Variants in FSTL5 observed in about 807,000 individuals in gnomAD.
FSTL5 encodes follistatin-related protein 5.
A neutral mutation model predicts 89.1 loss-of-function variants in FSTL5; 62 were observed. The ratio of observed to expected loss-of-function variants is 0.70; its 90% CI spans 0.57 to 0.86. FSTL5 has a LOEUF of 0.86. FSTL5 is among the 40% of genes least tolerant of loss of function. The pLI, the probability that FSTL5 is intolerant of heterozygous loss-of-function variation, is 0.00. For synonymous variants in FSTL5, 383 were observed against 346.2 expected, an observed-to-expected ratio of 1.11 and a Z score of -1.18; for missense variants, 1,057 against 1,001.6, an observed-to-expected ratio of 1.06 and a Z score of -0.75.
intron 3 of FSTL5, among the ~76,000 whole-genome samples, chr4:161,992,888 ATATATATATGTGTGTG>A (rs1736163685): frequency 5.4e-5 from 1 of 18,582 alleles, no homozygotes; most frequent in South Asian, 2.0e-3. Flanking sequence ...ATATATATAT[ATATATATATGTGTGTG>A]TATATATATA....
chr4:161,633,057 C>T (rs978691454), intron 7 of FSTL5, among the ~76,000 whole-genome samples: 5 of 151,718 alleles, frequency 3.3e-5, no homozygotes, highest in Non-Finnish European at 7.4e-5. Context: ...GTTTCTTTTG[C>T]TAACATCCTG....
At position 161,784,895 on chromosome 4, in the gene FSTL5, A is replaced by AAAAAAAAAAAAAAAAAAAAAC. The variant is rs1553965825; in HGVS notation, c.410-8822_410-8821insGTTTTTTTTTTTTTTTTTTTT. On this transcript the variant is annotated intron_variant, in intron 4 of 15. Coordinates refer to ENST00000306100, the MANE Select transcript of FSTL5 (RefSeq NM_020116.5). ...GCGACAGAGCAAGACTCCGTCTCAA[A>AAAAAAAAAAAAAAAAAAAAAC]AAAAACAAAAACAAACAAACAAAAA... 4.6e-4 allele frequency among the ~76,000 whole-genome samples: 66 copies of AAAAAAAAAAAAAAAAAAAAAC among 141,952 alleles called. 1 individual carries two copies. The highest frequency in any genetic ancestry group is 1.6e-3 in the African/African-American group (60 of 37,686). The allele number at this position is 141,952 out of a possible 152,430, so 93.1% of individuals were successfully genotyped here. A position where few individuals can be genotyped will look rare whatever the true frequency, so the allele number is the denominator to read the frequency against.
At chr4:161,673,756 C>T (rs947715875) in intron 6 of FSTL5, among the ~76,000 whole-genome samples, 15 of 151,798 alleles carry the variant, frequency 9.9e-5, no homozygotes, top group Admixed American at 6.6e-4. Flanking sequence ...TTTTACCAGA[C>T]AGAATTTGTT....
At chr4:161,748,606 GTTTTT>G (rs5863480) in intron 6 of FSTL5, among the ~76,000 whole-genome samples, 1,599 of 103,522 alleles carry the variant, frequency 0.015, 23 homozygotes, top group African/African-American at 0.051. Context: ...GGGGAAGCAC[GTTTTT>G]TTTTTTTTTT....
At chr4:161,893,515 A>G (rs185929506) in intron 4 of FSTL5, among the ~76,000 whole-genome samples, 2 of 152,288 alleles carry the variant, frequency 1.3e-5, no homozygotes, top group Admixed American at 1.3e-4. Context: ...CAGCTAAACC[A>G]CTGGCATTAT....
At chr4:161,424,845 T>A (rs1732117593) in intron 15 of FSTL5, among the ~76,000 whole-genome samples, 1 of 152,230 alleles carries the variant, frequency 6.6e-6, no homozygotes, top group African/African-American at 2.4e-5. Context: ...AACAAACCAG[T>A]TGTTTTGAAA....
chr4:161,631,339 C>T (rs1287435066), intron 7 of FSTL5, among the ~76,000 whole-genome samples: 22 of 152,082 alleles, frequency 1.4e-4, no homozygotes, highest in African/African-American at 3.4e-4. Context: ...ATAATTCATG[C>T]GGCCCGGCAC....
intron 6 of FSTL5, among the ~76,000 whole-genome samples, chr4:161,756,042 T>C (rs1740556518): frequency 6.6e-6 from 1 of 152,040 alleles, no homozygotes; most frequent in African/African-American, 2.4e-5. Context: ...GTTCTGTATC[T>C]CTGAGGGATC....
chr4:161,408,584 T>C (rs753608083), intron 15 of FSTL5, among the ~76,000 whole-genome samples: 3 of 152,168 alleles, frequency 2.0e-5, no homozygotes, highest in Non-Finnish European at 4.4e-5. Flanking sequence ...CTGAATTGCC[T>C]AAAATGACAT....
chr4:161,776,166 T>C, intron 4 of FSTL5, 92 bp from the exon 5 acceptor site: 1 of 632,636 alleles, frequency 1.6e-6, no homozygotes, highest in Non-Finnish European at 2.4e-6. Flanking sequence ...ATGAATAACA[T>C]ACTATGTACA....
chr4:161,870,759 A>G (rs977212124), intron 4 of FSTL5, among the ~76,000 whole-genome samples: 1 of 152,160 alleles, frequency 6.6e-6, no homozygotes, highest in Non-Finnish European at 1.5e-5. Context: ...TGTTCAATAC[A>G]CATTAATTTA....
chr4:161,673,089 A>G (rs1276629041), intron 6 of FSTL5, among the ~76,000 whole-genome samples: 1 of 152,088 alleles, frequency 6.6e-6, no homozygotes. Flanking sequence ...CATGTGAACA[A>G]TTATACAGTT....
At chr4:161,961,524 A>AAT (rs10601527) in intron 3 of FSTL5, among the ~76,000 whole-genome samples, 1 of 144,522 alleles carries the variant, frequency 6.9e-6, no homozygotes, top group African/African-American at 2.7e-5. Context: ...ACTCTAGAAA[A>AAT]ATATATATAT....
intron 15 of FSTL5, among the ~76,000 whole-genome samples, chr4:161,406,366 TA>T (rs1731375339): frequency 6.6e-6 from 1 of 152,172 alleles, no homozygotes; most frequent in Non-Finnish European, 1.5e-5. Context: ...TTCCATTGTT[TA>T]TGAAGAAGAT....
chr4:161,568,383 T>C (rs988687178), intron 8 of FSTL5, among the ~76,000 whole-genome samples: 3 of 152,140 alleles, frequency 2.0e-5, no homozygotes, highest in Admixed American at 2.0e-4. Flanking sequence ...GCTTTTGAAA[T>C]AGCTTCAGCG....
At position 161,779,770 on chromosome 4, in the gene FSTL5, T is replaced by TAC. The variant is rs1417912088; in HGVS notation, c.410-3697_410-3696insGT. ...GATTATTTGTAAAGTTATATATATA[T>TAC]ATATGTATATATATATATATATATA... On this transcript the variant is annotated intron_variant, in intron 4 of 15. Coordinates refer to ENST00000306100, the MANE Select transcript of FSTL5 (RefSeq NM_020116.5). Among the ~76,000 whole-genome samples the TAC allele has an allele frequency of 2.3e-3, 23 of 10,036 alleles. 2 individuals are homozygous for TAC. The highest frequency in any genetic ancestry group is 2.8e-3 in the African/African-American group (5 of 1,798). The allele number at this position is 10,036 out of a possible 152,430, so 6.6% of individuals were successfully genotyped here.
At chr4:161,552,230 T>C (rs2126558855) in intron 8 of FSTL5, among the ~76,000 whole-genome samples, 1 of 151,982 alleles carries the variant, frequency 6.6e-6, no homozygotes, top group Non-Finnish European at 1.5e-5. Context: ...AGTTAGGAGA[T>C]GAGCTTTTTA....
chr4:161,885,627 T>G (rs1732783598), intron 4 of FSTL5, among the ~76,000 whole-genome samples: 1 of 151,956 alleles, frequency 6.6e-6, no homozygotes, highest in South Asian at 2.1e-4. Flanking sequence ...TTGTATTATT[T>G]TAGTAGAGAC....
intron 4 of FSTL5, among the ~76,000 whole-genome samples, chr4:161,874,190 G>A (rs1054919662): frequency 2.0e-4 from 31 of 151,726 alleles, no homozygotes; most frequent in Non-Finnish European, 3.5e-4. Context: ...AATCTATATC[G>A]TCTCAAACTT....
Sources: gnomAD v4.1 joint callset for allele counts (sites outside exome capture counted in the v4.1 genomes callset) on GRCh38, gnomAD v4.1.1 for gene constraint, MANE v1.5 for transcripts, NCBI Gene and HGNC (gene_info 2026-07-23, HGNC 2026-07-21) for gene names.